The following NFXL1 variants were observed in gnomAD, a reference collection of about 807,000 sequenced individuals.
The protein encoded by NFXL1 is NF-X1-type zinc finger protein NFXL1.
Under a neutral mutation model 123.3 loss-of-function variants are expected in NFXL1, and 66 were observed. The ratio of observed to expected loss-of-function variants is 0.54; its 90% confidence interval spans 0.44 to 0.66. The LOEUF (loss-of-function observed/expected upper bound fraction) is 0.66, where lower values mean the gene tolerates loss of function less well. Ranked by LOEUF, NFXL1 falls within the 30% of genes least tolerant of loss-of-function variation. The pLI is 0.00. For synonymous variants in NFXL1, 346 were observed against 360.8 expected (o/e 0.96, Z 0.46); for missense variants, 944 against 1,125.6 (o/e 0.84, Z 2.31).
chr4:47,889,406 C>G (rs552066954), intron 12 of NFXL1, among the ~76,000 whole-genome samples: 292 of 152,300 alleles, frequency 1.9e-3, no homozygotes, highest in Non-Finnish European at 2.9e-3. Context: ...GAATCTGACA[C>G]TTTTCCTAAT....
chr4:47,867,312 T>C (rs1367988775), intron 18 of NFXL1, among the ~76,000 whole-genome samples: 1 of 151,614 alleles, frequency 6.6e-6, no homozygotes, highest in Non-Finnish European at 1.5e-5. Flanking sequence ...AAAGAACATA[T>C]TTACAGAAGA....
intron 9 of NFXL1, among the ~76,000 whole-genome samples, chr4:47,897,360 A>C (rs556285357): frequency 1.3e-5 from 2 of 152,250 alleles, no homozygotes; most frequent in African/African-American, 4.8e-5. Context: ...CTGTAACATA[A>C]ACATATTGTG....
intron 18 of NFXL1, among the ~76,000 whole-genome samples, chr4:47,871,296 T>C (rs1211973006): frequency 6.7e-6 from 1 of 148,536 alleles, no homozygotes; most frequent in Non-Finnish European, 1.5e-5. Context: ...GAGCTTGCAG[T>C]GAGCAGATTA....
At position 47,914,052 on chromosome 4, in the gene NFXL1, G is replaced by C. The variant is rs776268419; in HGVS notation, c.152C>G (p.Pro51Arg). ...SVGAVPSGTS[P>R]GGVATTAAAG... is the part of the protein sequence containing the mutation. ...AGCCGCCGTGGTCGCGACTCCTCCGGGACTGGTGCCAGAAGGAACTGCGCC... is the reference window on the plus strand; with the variant it reads ...AGCCGCCGTGGTCGCGACTCCTCCGCGACTGGTGCCAGAAGGAACTGCGCC... The change falls in exon 2 of 23, where the codon CCC becomes CGC. Residue 51 changes from proline to arginine, a missense_variant. Coordinates refer to ENST00000507489, the MANE Select transcript of NFXL1 (RefSeq NM_001278624.2). The C allele has an allele frequency of 1.1e-5, 17 of 1,549,724 alleles. No homozygotes were observed. Among genetic ancestry groups the C allele is most frequent in the Non-Finnish European group, 1.5e-5 (17 of 1,146,978 alleles).
chr4:47,878,525 C>T lies in NFXL1; in HGVS notation c.2079G>A (p.Lys693=). Residue 693 remains lysine (K), a splice_region_variant and synonymous_variant, in exon 17 of 23, where the codon AAG becomes AAA. Coordinates refer to ENST00000507489, the MANE Select transcript of NFXL1 (RefSeq NM_001278624.2). ...TATACATTCAATCTAAGAACATTAC[C>T]TTGTTTTTTCCAGTGCAGCCATCAG... ...TKTDGCTGKN[K]AGPECLHCEE... is the part of the protein sequence containing the mutation. 2 of 1,568,574 alleles carry T rather than the reference C, an allele frequency of 1.3e-6. No homozygotes were observed. The highest frequency in any genetic ancestry group is 2.4e-5 in the South Asian group (2 of 83,388).
intron 17 of NFXL1, chr4:47,877,110 A>G (rs1334505601): frequency 2.7e-6 from 2 of 743,068 alleles, no homozygotes; most frequent in Non-Finnish European, 4.1e-6. Context: ...CTGGGAGTTA[A>G]AAGATCAGGC....
chr4:47,870,333 T>C (rs1735355894), intron 18 of NFXL1, among the ~76,000 whole-genome samples: 1 of 152,232 alleles, frequency 6.6e-6, no homozygotes, highest in South Asian at 2.1e-4. Context: ...TCTCCACAGA[T>C]GCTAAAATAT....
chr4:47,890,539 T>C (rs1736702832), intron 12 of NFXL1, 74 bp downstream of exon 12: 2 of 775,204 alleles, frequency 2.6e-6, no homozygotes, highest in Non-Finnish European at 4.4e-6. Flanking sequence ...ATACATTATA[T>C]TGAATATTGA....
chr4:47,859,247 CACTTT>C (rs1734586339), intron 19 of NFXL1, among the ~76,000 whole-genome samples: 1 of 152,146 alleles, frequency 6.6e-6, no homozygotes, highest in Non-Finnish European at 1.5e-5. Context: ...CAAAACGTTC[CACTTT>C]AATTCCAATA....
chr4:47,897,054 A>C (rs1737126640), intron 9 of NFXL1, among the ~76,000 whole-genome samples: 1 of 152,206 alleles, frequency 6.6e-6, no homozygotes, highest in South Asian at 2.1e-4. Context: ...TGACACTTAT[A>C]ATCTCAGCAC....
At chr4:47,868,919 G>C (rs1430191193) in intron 18 of NFXL1, among the ~76,000 whole-genome samples, 1 of 152,178 alleles carries the variant, frequency 6.6e-6, no homozygotes, top group East Asian at 1.9e-4. Flanking sequence ...GCTGCAAAGA[G>C]ATACAGAAAC....
At chr4:47,852,072 T>C (rs1734148783) in intron 20 of NFXL1, 130 bp from the exon 21 acceptor site, 1 of 551,358 alleles carries the variant, frequency 1.8e-6, no homozygotes, top group African/African-American at 2.0e-5. Context: ...TTAATGATGA[T>C]ATAGTTGCAA....
chr4:47,866,354 G>A (rs1285166220), intron 18 of NFXL1, among the ~76,000 whole-genome samples: 2 of 152,004 alleles, frequency 1.3e-5, no homozygotes, highest in African/African-American at 2.4e-5. Context: ...ACCCTCAAAC[G>A]CCAACCATTT....
chr4:47,849,386 T>C (rs1733991299), intron 22 of NFXL1, among the ~76,000 whole-genome samples: 1 of 152,284 alleles, frequency 6.6e-6, no homozygotes, highest in East Asian at 1.9e-4. Context: ...CTATAGTGCA[T>C]AGGTAATTAA....
At chr4:47,870,436 C>T (rs2110058464) in intron 18 of NFXL1, among the ~76,000 whole-genome samples, 1 of 151,904 alleles carries the variant, frequency 6.6e-6, no homozygotes, top group Middle Eastern at 3.4e-3. Flanking sequence ...GTGACAAAGC[C>T]AACATCTTAC....
chr4:47,873,377 A>T (rs535480315), intron 18 of NFXL1, among the ~76,000 whole-genome samples: 1 of 152,280 alleles, frequency 6.6e-6, no homozygotes, highest in East Asian at 1.9e-4. Context: ...ATCACCACCT[A>T]CATCTGGCAT....
intron 19 of NFXL1, among the ~76,000 whole-genome samples, chr4:47,856,473 C>T: frequency 6.7e-6 from 1 of 149,122 alleles, no homozygotes; most frequent in East Asian, 2.0e-4. Flanking sequence ...TCTCTCATGT[C>T]ATAATCCCTA....
chr4:47,907,033 GTAACAGT>G (rs1737595016), intron 3 of NFXL1, among the ~76,000 whole-genome samples: 1 of 152,172 alleles, frequency 6.6e-6, no homozygotes, highest in Non-Finnish European at 1.5e-5. Flanking sequence ...AAAACTAGTA[GTAACAGT>G]TATCTACCTC....
chr4:47,905,145 G>T, intron 4 of NFXL1, 92 bp downstream of exon 4: 2 of 525,938 alleles, frequency 3.8e-6, no homozygotes, highest in Non-Finnish European at 6.9e-6. Flanking sequence ...TTAAACATAA[G>T]TAAACAAAAG....
Sources: gnomAD v4.1 joint callset for allele counts (sites outside exome capture counted in the v4.1 genomes callset) on GRCh38, gnomAD v4.1.1 for gene constraint, MANE v1.5 for transcripts, NCBI Gene and HGNC (gene_info 2026-07-23, HGNC 2026-07-21) for gene names.